The following OSBPL9 variants were observed in gnomAD, a reference collection of about 807,000 sequenced individuals.
OSBPL9 encodes oxysterol-binding protein-related protein 9.
OSBPL9 carries 40 observed loss-of-function variants against 106.6 expected under a neutral mutation model. The observed-to-expected ratio is 0.38, with a 90% CI of 0.29 to 0.49. The LOEUF is 0.49. Ranked by LOEUF, OSBPL9 falls within the 20% of genes least tolerant of loss-of-function variation. The pLI is 0.97. For missense variants in OSBPL9, 609 were observed against 887.2 expected (o/e 0.69, Z 3.98); for synonymous variants, 269 against 295.4 (o/e 0.91, Z 0.92).
At chr1:51,530,572 T>C in the OSBPL9 span, among the ~76,000 whole-genome samples, 9 of 149,774 alleles carry the variant, frequency 6.0e-5, no homozygotes, top group East Asian at 1.6e-3. Context: ...GGACAACATA[T>C]CAAGACCGTC....
upstream of OSBPL9, among the ~76,000 whole-genome samples, chr1:51,615,109 AGT>A (rs1383091942): frequency 1.3e-5 from 2 of 152,176 alleles, no homozygotes; most frequent in Non-Finnish European, 2.9e-5. Context: ...AAAATACAAA[AGT>A]TAGCCAGGCG....
At chr1:51,627,253 A>C (rs1393498788) in intron 1 of OSBPL9, among the ~76,000 whole-genome samples, 1 of 151,300 alleles carries the variant, frequency 6.6e-6, no homozygotes, top group Non-Finnish European at 1.5e-5. Context: ...CTTCTGTCTC[A>C]GCCTCCCAAA....
chr1:51,718,454 CAA>C (rs1458570602), intron 4 of OSBPL9, among the ~76,000 whole-genome samples: 4 of 152,050 alleles, frequency 2.6e-5, no homozygotes, highest in African/African-American at 9.7e-5. Context: ...ATTTATACTC[CAA>C]AAATATATAT....
At position 51,704,183 on chromosome 1, in the gene OSBPL9, A is replaced by G. The variant is rs547141715; in HGVS notation, c.242-9820A>G. 7.2e-4 allele frequency among the ~76,000 whole-genome samples: 109 copies of G among 152,096 alleles called. 4 individuals carry two copies. In the East Asian group the frequency reaches 0.018, roughly 25 times the overall value. On this transcript the variant is annotated intron_variant, in intron 3 of 23. Coordinates refer to ENST00000428468, the MANE Select transcript of OSBPL9 (RefSeq NM_024586.6). ...GTTAGGGAGGATTCCCTCTTTTTCT[A>G]TTGATTGGAATAGTTTCAGAAGGAA...
At chr1:51,519,233 G>T in the OSBPL9 span, 2 of 1,309,130 alleles carry the variant, frequency 1.5e-6, no homozygotes, top group East Asian at 3.6e-5. Context: ...CGCAGCCATG[G>T]TGTTTCCATC....
chr1:51,613,533 G>A (rs1329612853), upstream of OSBPL9, among the ~76,000 whole-genome samples: 1 of 152,118 alleles, frequency 6.6e-6, no homozygotes, highest in Non-Finnish European at 1.5e-5. Flanking sequence ...TATTGTGATG[G>A]TTAAAAGTGA....
intron 12 of OSBPL9, 92 bp from the exon 13 acceptor site, chr1:51,771,978 C>A: frequency 1.2e-6 from 1 of 813,870 alleles, no homozygotes; most frequent in Non-Finnish European, 2.0e-6. Context: ...CATATATATG[C>A]ATGCATGTAA....
chr1:51,772,492 G>A, intron 13 of OSBPL9, 113 bp from the exon 14 acceptor site: 1 of 903,482 alleles, frequency 1.1e-6, no homozygotes, highest in Non-Finnish European at 1.8e-6. Context: ...CTCCAGCCTG[G>A]GCGAAAGAAT....
At chr1:51,553,987 T>A in the OSBPL9 span, among the ~76,000 whole-genome samples, 19 of 152,284 alleles carry the variant, frequency 1.2e-4, no homozygotes, top group South Asian at 2.3e-3. Flanking sequence ...CCAAAAAAAA[T>A]TTGTTTTTAA....
chr1:51,740,914 T>A (rs1229306697), intron 4 of OSBPL9, among the ~76,000 whole-genome samples: 1 of 152,182 alleles, frequency 6.6e-6, no homozygotes, highest in African/African-American at 2.4e-5. Context: ...AATTGACTCT[T>A]GTGTTGTTTT....
the OSBPL9 span, among the ~76,000 whole-genome samples, chr1:51,547,796 A>T: frequency 6.6e-6 from 1 of 152,040 alleles, no homozygotes; most frequent in Admixed American, 6.6e-5. Context: ...AGCTGCAGGG[A>T]GCCAAGATTG....
At chr1:51,521,369 A>G in the OSBPL9 span, among the ~76,000 whole-genome samples, 5 of 152,224 alleles carry the variant, frequency 3.3e-5, no homozygotes, top group African/African-American at 1.2e-4. Context: ...CCTCCAAACC[A>G]TATGAGATGT....
In OSBPL9 at chr1:51,590,032, C is replaced by CAAAA. The variant is rs941103745; in HGVS notation, c.-422-8074_-422-8071dup. ...CAGGGAACAGTGTGAGACTCCGTCT[C>CAAAA]AAAAAAAAAAAAAAAAAAAAAGAGA... On this transcript the variant is annotated intron_variant, in intron 1 of 25. Transcript: ENST00000371714. Among the ~76,000 whole-genome samples, 122 of 50,060 alleles carry CAAAA rather than the reference C, an allele frequency of 2.4e-3. 3 individuals carry two copies. Among genetic ancestry groups the CAAAA allele is most frequent in the African/African-American group, 7.7e-3 (110 of 14,294 alleles). 32.8% of individuals were successfully genotyped at this position (50,060 alleles called of 152,430 possible). A position where few individuals can be genotyped will look rare whatever the true frequency, so the allele number is the denominator to read the frequency against.
At chr1:51,590,779 T>C (rs551486043) in intron 1 of OSBPL9, among the ~76,000 whole-genome samples, 1 of 152,100 alleles carries the variant, frequency 6.6e-6, no homozygotes, top group Admixed American at 6.5e-5. Context: ...AGACAGGGTC[T>C]CTCTTTGTTG....
At position 51,592,572 on chromosome 1, in the gene OSBPL9, CATTGTGTG is replaced by C. The variant is rs543689431; in HGVS notation, c.-422-5550_-422-5543del. Among the ~76,000 whole-genome samples the C allele has an allele frequency of 1.9e-3, 284 of 152,306 alleles. 1 individual carries two copies. Among genetic ancestry groups the C allele is most frequent in the African/African-American group, 6.2e-3 (256 of 41,572 alleles). ...AAAGAAAATAAGGTAAATAGACAGT[CATTGTGTG>C]AGCAGGGCTGACACACAAGAAGCAC... On this transcript the variant is annotated intron_variant, in intron 1 of 25. Coordinates refer to the OSBPL9 transcript ENST00000371714.
intron 9 of OSBPL9, chr1:51,759,406 C>T (rs1170893316): frequency 6.6e-6 from 1 of 152,078 alleles, no homozygotes; most frequent in African/African-American, 2.4e-5. Flanking sequence ...GAGAATGCTA[C>T]AAAAACTTTA....
chr1:51,533,330 C>T, the OSBPL9 span, among the ~76,000 whole-genome samples: 1 of 151,152 alleles, frequency 6.6e-6, no homozygotes, highest in Admixed American at 6.6e-5. Context: ...AAAAAAAATA[C>T]AAAAAATTAG....
Position 51,608,088 on chromosome 1 carries a change from T to C in OSBPL9, c.-352-6217T>C, listed in dbSNP as rs566921808. Among the ~76,000 whole-genome samples the C allele has an allele frequency of 3.9e-5, 6 of 152,242 alleles. No individual in the cohort carries two copies. In the East Asian group the frequency reaches 9.7e-4, roughly 25 times the overall value. On this transcript the variant is annotated intron_variant, in intron 2 of 25. Coordinates refer to the OSBPL9 transcript ENST00000371714. ...GTTGTGCATATGCTCATTTAAGGCG[T>C]TTTTCCCTTACCAGTCTAGTGTTCC...
intron 4 of OSBPL9, 157 bp from the exon 5 acceptor site, chr1:51,745,379 A>C: frequency 9.3e-7 from 1 of 1,075,306 alleles, no homozygotes; most frequent in Non-Finnish European, 1.3e-6. Flanking sequence ...ACCACTGTTT[A>C]AATAGACCTA....
Sources: gnomAD v4.1 joint callset for allele counts (sites outside exome capture counted in the v4.1 genomes callset) on GRCh38, gnomAD v4.1.1 for gene constraint, MANE v1.5 for transcripts, NCBI Gene and HGNC (gene_info 2026-07-23, HGNC 2026-07-21) for gene names.